OSBPL8: variants seen among roughly 807,000 people sequenced by gnomAD.
The protein encoded by OSBPL8 is oxysterol binding protein like 8, also known as oxysterol-binding protein-related protein 8.
In OSBPL8, 59 loss-of-function variants were observed where a neutral mutation model predicts 125.5. The observed-to-expected ratio is 0.47, with a 90% CI of 0.38 to 0.58. OSBPL8 has a LOEUF of 0.58. Among genes scored for constraint, OSBPL8 ranks in the 20% least tolerant of loss-of-function variants. The probability of loss-of-function intolerance (pLI) is 0.00; values close to 1 mark genes in which losing one functional copy is unlikely to be tolerated. For synonymous variants in OSBPL8, 330 were observed against 338.9 expected (o/e 0.97, Z 0.29); for missense variants, 758 against 1,047.8 (o/e 0.72, Z 3.82).
At chr12:76,373,055 A>T (rs1037213653) in intron 18 of OSBPL8, among the ~76,000 whole-genome samples, 1 of 152,194 alleles carries the variant, frequency 6.6e-6, no homozygotes, top group African/African-American at 2.4e-5. Context: ...TCATAGCGTT[A>T]TATGTTATAA....
chr12:76,557,640 T>TA (rs1215922046), intron 1 of OSBPL8, among the ~76,000 whole-genome samples: 2 of 151,306 alleles, frequency 1.3e-5, no homozygotes, highest in Non-Finnish European at 2.9e-5. Context: ...AATCCTTTTG[T>TA]AATGCATATT....
Position 76,500,782 on chromosome 12 carries a change from T to C in OSBPL8, c.-67-13164A>G, listed in dbSNP as rs116597215. Among the ~76,000 whole-genome samples, 1,459 of 152,276 alleles carry C rather than the reference T, an allele frequency of 9.6e-3. 31 individuals carry two copies. Among genetic ancestry groups the C allele is most frequent in the African/African-American group, 0.034 (1,413 of 41,562 alleles). On this transcript the variant is annotated intron_variant, in intron 1 of 23. Coordinates refer to ENST00000261183, the MANE Select transcript of OSBPL8 (RefSeq NM_020841.5). Reference sequence around the variant, plus strand: ...AGAAAAAAAGAATTTCTTAAAAGTATAGATGTTAGAAACAAGCCTCTGCTT... The same window carrying C: ...AGAAAAAAAGAATTTCTTAAAAGTACAGATGTTAGAAACAAGCCTCTGCTT...
chr12:76,372,741 T>TA (rs1329204539), intron 18 of OSBPL8, among the ~76,000 whole-genome samples: 30 of 152,212 alleles, frequency 2.0e-4, no homozygotes, highest in African/African-American at 6.8e-4. Flanking sequence ...CAAAATTACA[T>TA]AAATATGAAT....
intron 4 of OSBPL8, among the ~76,000 whole-genome samples, chr12:76,421,742 T>C (rs1483340633): frequency 6.6e-6 from 1 of 152,026 alleles, no homozygotes; most frequent in South Asian, 2.1e-4. Flanking sequence ...CATAATTATA[T>C]AGTGTTTAAA....
intron 15 of OSBPL8, among the ~76,000 whole-genome samples, chr12:76,381,648 T>C (rs1418520163): frequency 6.6e-6 from 1 of 152,208 alleles, no homozygotes; most frequent in East Asian, 1.9e-4. Flanking sequence ...TTGAAATCTA[T>C]TTTATTAATA....
chr12:76,521,653 T>C (rs1365123902), intron 1 of OSBPL8, among the ~76,000 whole-genome samples: 5 of 152,176 alleles, frequency 3.3e-5, no homozygotes, highest in Admixed American at 1.3e-4. Context: ...ACACCATGAA[T>C]AGACATTGAG....
At chr12:76,473,616 A>G (rs1592745506) in intron 2 of OSBPL8, among the ~76,000 whole-genome samples, 1 of 152,354 alleles carries the variant, frequency 6.6e-6, no homozygotes, top group East Asian at 1.9e-4. Context: ...CTAACATTCA[A>G]CTGGTTGCCC....
chr12:76,414,581 A>G (rs1868388733), intron 4 of OSBPL8, among the ~76,000 whole-genome samples: 1 of 150,920 alleles, frequency 6.6e-6, no homozygotes, highest in Admixed American at 6.6e-5. Context: ...CCTCCTGAGT[A>G]GCTGAGACAA....
At chr12:76,499,812 C>G (rs545851283) in intron 1 of OSBPL8, among the ~76,000 whole-genome samples, 1 of 151,970 alleles carries the variant, frequency 6.6e-6, no homozygotes, top group African/African-American at 2.4e-5. Context: ...GAAATCACAC[C>G]ACTGCACTCC....
intron 1 of OSBPL8, among the ~76,000 whole-genome samples, chr12:76,501,708 G>C (rs910895071): frequency 4.6e-5 from 7 of 152,298 alleles, no homozygotes; most frequent in Admixed American, 1.3e-4. Flanking sequence ...GACCTGGCTA[G>C]AGCCACCGCT....
At chr12:76,503,417 C>T (rs1263297121) in intron 1 of OSBPL8, among the ~76,000 whole-genome samples, 2 of 152,218 alleles carry the variant, frequency 1.3e-5, no homozygotes, top group African/African-American at 4.8e-5. Context: ...CCCTAGTGAC[C>T]TCATTTTAAC....
chr12:76,382,082 T>G (rs538365610), intron 15 of OSBPL8, among the ~76,000 whole-genome samples: 2 of 152,242 alleles, frequency 1.3e-5, no homozygotes, highest in African/African-American at 4.8e-5. Context: ...ATTTAAGGTA[T>G]GTTGGTCCTT....
intron 1 of OSBPL8, among the ~76,000 whole-genome samples, chr12:76,547,460 A>T (rs928112576): frequency 1.7e-4 from 26 of 152,312 alleles, no homozygotes; most frequent in African/African-American, 5.8e-4. Context: ...CAATGCTAGC[A>T]AATTTTTATG....
intron 1 of OSBPL8, among the ~76,000 whole-genome samples, chr12:76,503,710 T>A (rs1880134203): frequency 6.6e-6 from 1 of 151,894 alleles, no homozygotes; most frequent in Non-Finnish European, 1.5e-5. Context: ...GGCTAATTTT[T>A]TTTTTTGTAT....
intron 1 of OSBPL8, among the ~76,000 whole-genome samples, chr12:76,498,508 G>C (rs1487879521): frequency 6.6e-6 from 1 of 152,114 alleles, no homozygotes. Context: ...ACCTGTCCAG[G>C]TTGTGTAAGT....
intron 5 of OSBPL8, among the ~76,000 whole-genome samples, chr12:76,408,954 A>G (rs942088039): frequency 6.6e-6 from 1 of 152,116 alleles, no homozygotes; most frequent in Non-Finnish European, 1.5e-5. Flanking sequence ...TATACCATGT[A>G]TTCACCAATT....
intron 4 of OSBPL8, chr12:76,422,647 T>G (rs1420855252): frequency 1.3e-5 from 6 of 456,344 alleles, no homozygotes; most frequent in African/African-American, 1.0e-4. Flanking sequence ...AGCTCTCTTC[T>G]TTCATAGCTC....
At chr12:76,426,624 T>C (rs1207604142) in intron 4 of OSBPL8, among the ~76,000 whole-genome samples, 2 of 152,190 alleles carry the variant, frequency 1.3e-5, no homozygotes, top group African/African-American at 4.8e-5. Context: ...CTAAACCTGG[T>C]ATGCTGGGTA....
At chr12:76,505,226 G>T (rs1188088572) in intron 1 of OSBPL8, among the ~76,000 whole-genome samples, 2 of 152,142 alleles carry the variant, frequency 1.3e-5, no homozygotes, top group Admixed American at 6.5e-5. Context: ...AATTACAATG[G>T]CAATAAGCTT....
Sources: gnomAD v4.1 joint callset for allele counts (sites outside exome capture counted in the v4.1 genomes callset) on GRCh38, gnomAD v4.1.1 for gene constraint, MANE v1.5 for transcripts, NCBI Gene and HGNC (gene_info 2026-07-23, HGNC 2026-07-21) for gene names.